The following ZNF723 variants were observed in gnomAD, a reference collection of about 807,000 sequenced individuals.
ZNF723 encodes the protein zinc finger protein 723.
A neutral mutation model predicts 9.4 loss-of-function variants in ZNF723; 5 were observed. The observed-to-expected ratio is 0.53, with a 90% confidence interval of 0.28 to 1.12. The LOEUF (loss-of-function observed/expected upper bound fraction) is 1.12. Among genes scored for constraint, ZNF723 ranks in the 50% most tolerant of loss-of-function variants. The pLI, the probability that ZNF723 is intolerant of heterozygous loss-of-function variation, is 0.10. For synonymous variants in ZNF723, 158 were observed against 168.8 expected (o/e 0.94, Z 0.49); for missense variants, 450 against 501.5 (o/e 0.90, Z 0.98).
intron 1 of ZNF723, chr19:22,840,862 A>G (rs553676849): frequency 2.0e-5 from 3 of 152,264 alleles, no homozygotes; most frequent in African/African-American, 7.2e-5. Flanking sequence ...TCCCATTCCC[A>G]TTATCGTGAA....
the ZNF723 span, among the ~76,000 whole-genome samples, chr19:22,815,902 C>T: frequency 6.6e-6 from 1 of 152,202 alleles, no homozygotes; most frequent in Admixed American, 6.5e-5. Flanking sequence ...GGACAGAGCC[C>T]ATTGGAGAGG....
intron 1 of ZNF723, among the ~76,000 whole-genome samples, chr19:22,845,587 C>A (rs527454435): frequency 1.3e-5 from 2 of 152,190 alleles, no homozygotes; most frequent in South Asian, 4.1e-4. Context: ...ATTTTTATTA[C>A]TGTAGCAGAG....
rs568420432 is a variant in ZNF723, at chr19:22,837,466, T to C, written c.3+5084T>C. Among the ~76,000 whole-genome samples, 421 of 152,126 alleles carry C rather than the reference T, an allele frequency of 2.8e-3. 2 individuals are homozygous for C. Among genetic ancestry groups the C allele is most frequent in the African/African-American group, 9.9e-3 (411 of 41,502 alleles). On this transcript the variant is annotated intron_variant, in intron 1 of 3. Coordinates refer to ENST00000600766, the MANE Select transcript of ZNF723 (RefSeq NM_001349726.2). ...TCAAATGTTAGACAGTGAGTTGGTG[T>C]TGAAGAATTGTTTGGTGTTAACAAA...
chr19:22,838,981 AG>A (rs765994096), intron 1 of ZNF723, among the ~76,000 whole-genome samples: 2 of 152,050 alleles, frequency 1.3e-5, no homozygotes, highest in Non-Finnish European at 2.9e-5. Flanking sequence ...TCCTTACCTT[AG>A]GTGATCTGCC....
rs1013712783 is a variant in ZNF723, at chr19:22,858,273, C to G, written c.1382C>G (p.Ala461Gly). 1 of 1,289,792 alleles carries G rather than the reference C, an allele frequency of 7.8e-7. No individual in the cohort carries two copies. The highest frequency in any genetic ancestry group is 1.1e-6 in the Non-Finnish European group (1 of 887,978). 79.9% of individuals were successfully genotyped at this position (1,289,792 alleles called of 1,614,324 possible). A position where few individuals can be genotyped will look rare whatever the true frequency, so the allele number is the denominator to read the frequency against. The change falls in exon 4 of 4, where the codon GCT (alanine) becomes GGT (glycine). Residue 461 changes from alanine to glycine, a missense_variant. Ala to Gly is a moderately conservative substitution (Grantham distance 60). Coordinates refer to ENST00000600766, the MANE Select transcript of ZNF723 (RefSeq NM_001349726.2). ...TACAAATGTGAAGAATGTGGCAAAG[C>G]TTTTAACCAATATTCAACCCTTAAT... ...KPYKCEECGKAFNQYSTLNKH... is the reference protein window; with the variant it reads ...KPYKCEECGKGFNQYSTLNKH...
intron 1 of ZNF723, among the ~76,000 whole-genome samples, chr19:22,835,069 G>GTTTTTTTTT (rs57260930): frequency 5.7e-5 from 8 of 139,694 alleles, no homozygotes; most frequent in South Asian, 2.3e-4. Context: ...TTTGTTGGTT[G>GTTTTTTTTT]TTTTTTTTTT....
intron 3 of ZNF723, among the ~76,000 whole-genome samples, chr19:22,852,370 A>G (rs1453799993): frequency 6.6e-6 from 1 of 152,146 alleles, no homozygotes; most frequent in Non-Finnish European, 1.5e-5. Flanking sequence ...AGTCTGTACA[A>G]TTTAAGAATG....
At chr19:22,817,244 A>C in the ZNF723 span, among the ~76,000 whole-genome samples, 2 of 152,258 alleles carry the variant, frequency 1.3e-5, no homozygotes, top group African/African-American at 2.4e-5. Flanking sequence ...AGAATTGTGA[A>C]ATATCACTGG....
the ZNF723 span, among the ~76,000 whole-genome samples, chr19:22,812,793 T>G: frequency 1.2e-4 from 18 of 152,096 alleles, no homozygotes; most frequent in Non-Finnish European, 1.9e-4. Context: ...AGTTCACAGG[T>G]GGGTTGGTGA....
chr19:22,853,053 T>C (rs1967420115), intron 3 of ZNF723, among the ~76,000 whole-genome samples: 1 of 152,186 alleles, frequency 6.6e-6, no homozygotes, highest in South Asian at 2.1e-4. Flanking sequence ...GACAGAAATT[T>C]GCATTGCTTT....
intron 1 of ZNF723, among the ~76,000 whole-genome samples, chr19:22,838,050 G>A (rs186494254): frequency 6.9e-4 from 105 of 152,212 alleles, no homozygotes; most frequent in Middle Eastern, 3.4e-3. Flanking sequence ...TGTTTTAGGG[G>A]TACACGTGCA....
intron 3 of ZNF723, 129 bp from the exon 4 acceptor site, chr19:22,856,989 G>C: frequency 8.6e-6 from 4 of 466,800 alleles, no homozygotes; most frequent in Non-Finnish European, 1.5e-5. Flanking sequence ...TGTCTATGAA[G>C]TAATTATGGC....
rs1967509690 is a variant in ZNF723, at chr19:22,858,143, A to C, written c.1252A>C (p.Ile418Leu). 2 of 1,430,482 alleles carry C rather than the reference A, an allele frequency of 1.4e-6. No individual in the cohort carries two copies. Among genetic ancestry groups the C allele is most frequent in the Non-Finnish European group, 2.0e-6 (2 of 1,014,324 alleles). The allele number at this position is 1,430,482 out of a possible 1,614,324, so 88.6% of individuals were successfully genotyped here. A position where few individuals can be genotyped will look rare whatever the true frequency, so the allele number is the denominator to read the frequency against. ...CTCAGCCCTTACTACACATAAGATA[A>C]TTCATACTGGAGAAAGACCTTACAA... ...QSSALTTHKIIHTGERPYKCK... is the reference protein window; with the variant it reads ...QSSALTTHKILHTGERPYKCK... Residue 418 changes from isoleucine to leucine, a missense_variant, in exon 4 of 4, where the codon ATT becomes CTT. Transcript: ENST00000600766.
intron 3 of ZNF723, among the ~76,000 whole-genome samples, chr19:22,854,911 G>T (rs1967451945): frequency 6.6e-6 from 1 of 151,978 alleles, no homozygotes; most frequent in Non-Finnish European, 1.5e-5. Context: ...TCCAGGCGTG[G>T]TGGCACATGC....
intron 1 of ZNF723, among the ~76,000 whole-genome samples, chr19:22,846,870 C>T (rs1369165542): frequency 9.5e-6 from 1 of 105,372 alleles, no homozygotes; most frequent in Admixed American, 1.5e-4. Flanking sequence ...TGATGCCGTG[C>T]TGGGATTACA....
the ZNF723 span, among the ~76,000 whole-genome samples, chr19:22,818,923 T>A: frequency 6.6e-6 from 1 of 152,302 alleles, no homozygotes; most frequent in East Asian, 1.9e-4. Flanking sequence ...TTGCCTGGGC[T>A]CTGCCTACAG....
At chr19:22,832,505 G>C in intron 1 of ZNF723, 123 bp downstream of exon 1, 1 of 1,081,248 alleles carries the variant, frequency 9.2e-7, no homozygotes, top group Non-Finnish European at 1.4e-6. Context: ...CGGAGTTCTA[G>C]CCTGGCCCGG....
the ZNF723 span, among the ~76,000 whole-genome samples, chr19:22,821,102 A>G: frequency 6.6e-6 from 1 of 152,216 alleles, no homozygotes; most frequent in African/African-American, 2.4e-5. Context: ...TCACGCAGGA[A>G]TACAGTCCAC....
At chr19:22,841,767 G>A (rs972248601) in intron 1 of ZNF723, among the ~76,000 whole-genome samples, 1 of 152,112 alleles carries the variant, frequency 6.6e-6, no homozygotes. Context: ...GAGTAGACAT[G>A]TAGACATGAG....
Sources: allele counts gnomAD v4.1 joint callset (sites outside exome capture counted in the v4.1 genomes callset), GRCh38; gene constraint gnomAD v4.1.1; transcripts MANE v1.5; gene names NCBI Gene and HGNC (gene_info 2026-07-23, HGNC 2026-07-21).